ST6GAL1: variants seen among roughly 807,000 people sequenced by gnomAD.
ST6GAL1 encodes beta-galactoside alpha-2,6-sialyltransferase 1.
Under a neutral mutation model 38.0 loss-of-function variants are expected in ST6GAL1, and 20 were observed. The observed-to-expected ratio is 0.53, with a 90% confidence interval of 0.37 to 0.77. The LOEUF is 0.77. Among genes scored for constraint, ST6GAL1 ranks in the 30% least tolerant of loss-of-function variants. The pLI is 0.00. For missense variants in ST6GAL1, 432 were observed against 496.4 expected (o/e 0.87, Z 1.23); for synonymous variants, 196 against 188.2 (o/e 1.04, Z -0.34).
At chr3:187,068,126 A>G (rs1719233341) in intron 5 of ST6GAL1, among the ~76,000 whole-genome samples, 1 of 152,084 alleles carries the variant, frequency 6.6e-6, no homozygotes, top group African/African-American at 2.4e-5. Flanking sequence ...GTGGATCACG[A>G]GGTCAGGAGA....
intron 5 of ST6GAL1, among the ~76,000 whole-genome samples, chr3:187,052,067 G>C (rs1718534598): frequency 6.6e-6 from 1 of 152,070 alleles, no homozygotes; most frequent in South Asian, 2.1e-4. Flanking sequence ...TTTTATGTCA[G>C]TATTTAGTCT....
intron 1 of ST6GAL1, among the ~76,000 whole-genome samples, chr3:186,938,124 A>G (rs1314488255): frequency 6.6e-6 from 1 of 152,194 alleles, no homozygotes; most frequent in Non-Finnish European, 1.5e-5. Flanking sequence ...ATCTCTGTTC[A>G]TTTTCCAGAT....
At chr3:187,071,776 C>CAAAAAAAAAAAAA (rs11330261) in intron 5 of ST6GAL1, among the ~76,000 whole-genome samples, 4 of 72,322 alleles carry the variant, frequency 5.5e-5, no homozygotes, top group African/African-American at 1.9e-4. Flanking sequence ...GACTCCGCCT[C>CAAAAAAAAAAAAA]AAAAAAAAAA....
chr3:186,998,715 A>G (rs999397778), intron 2 of ST6GAL1, among the ~76,000 whole-genome samples: 1 of 152,256 alleles, frequency 6.6e-6, no homozygotes, highest in Non-Finnish European at 1.5e-5. Flanking sequence ...CATGTAATCA[A>G]TATAAAATTA....
At chr3:187,045,019 A>C (rs925357484) in intron 4 of ST6GAL1, among the ~76,000 whole-genome samples, 2 of 152,204 alleles carry the variant, frequency 1.3e-5, no homozygotes, top group Admixed American at 1.3e-4. Flanking sequence ...ATTCATCAAC[A>C]ATACAAAGGG....
chr3:186,943,355 T>C (rs977937270), intron 1 of ST6GAL1, among the ~76,000 whole-genome samples: 4 of 152,232 alleles, frequency 2.6e-5, no homozygotes, highest in Non-Finnish European at 5.9e-5. Flanking sequence ...GCATGAGGCA[T>C]GAAGTGGCGG....
At chr3:186,980,766 CAAAA>C (rs58623543) in intron 2 of ST6GAL1, among the ~76,000 whole-genome samples, 2 of 121,408 alleles carry the variant, frequency 1.6e-5, no homozygotes, top group Non-Finnish European at 1.7e-5. Flanking sequence ...GACTCCATCT[CAAAA>C]AAAAAAAAAA....
At chr3:186,946,960 G>A (rs926013193) in intron 1 of ST6GAL1, among the ~76,000 whole-genome samples, 4 of 152,134 alleles carry the variant, frequency 2.6e-5, no homozygotes, top group African/African-American at 9.7e-5. Flanking sequence ...CAATGGAAAA[G>A]GTTTCACCCA....
At chr3:187,033,239 C>A (rs2108573686) in intron 2 of ST6GAL1, among the ~76,000 whole-genome samples, 1 of 152,314 alleles carries the variant, frequency 6.6e-6, no homozygotes, top group East Asian at 1.9e-4. Flanking sequence ...CATGGTGAAA[C>A]CCCATCTCTA....
chr3:187,062,271 G>A (rs188662243), intron 5 of ST6GAL1, among the ~76,000 whole-genome samples: 5 of 152,218 alleles, frequency 3.3e-5, no homozygotes, highest in East Asian at 1.9e-4. Context: ...AAAACAGTAC[G>A]GCAGTGCCTC....
In ST6GAL1 at chr3:187,029,088, T is replaced by TAAAAA. The variant is rs56166685; in HGVS notation, c.-182-9647_-182-9643dup. ...GGGTGACAAAGCAAGACCTTGTCTC[T>TAAAAA]AAAAAAAAAAAGAATTTTTCATAGG... On this transcript the variant is annotated intron_variant, in intron 2 of 7. Coordinates refer to ENST00000169298, the MANE Select transcript of ST6GAL1 (RefSeq NM_173216.2). Among the ~76,000 whole-genome samples, 41 of 105,970 alleles carry TAAAAA rather than the reference T, an allele frequency of 3.9e-4. 2 individuals carry two copies. In the Admixed American group the frequency reaches 4.3e-3, roughly 11 times the overall value. The allele number at this position is 105,970 out of a possible 152,430, so 69.5% of individuals were successfully genotyped here.
intron 5 of ST6GAL1, among the ~76,000 whole-genome samples, chr3:187,069,087 C>T (rs1579382695): frequency 6.6e-6 from 1 of 151,672 alleles, no homozygotes; most frequent in South Asian, 2.1e-4. Context: ...TTCTTATGGC[C>T]TGTCAGCCAG....
chr3:187,019,844 G>A (rs1050759755), intron 2 of ST6GAL1, among the ~76,000 whole-genome samples: 1 of 152,208 alleles, frequency 6.6e-6, no homozygotes, highest in African/African-American at 2.4e-5. Context: ...TAAAGATTAA[G>A]GAGATGAAGA....
At chr3:187,029,995 A>AT (rs1344955514) in intron 2 of ST6GAL1, among the ~76,000 whole-genome samples, 1 of 152,168 alleles carries the variant, frequency 6.6e-6, no homozygotes, top group Non-Finnish European at 1.5e-5. Flanking sequence ...TATGGAAGGT[A>AT]TTGTTGGGAA....
intron 4 of ST6GAL1, among the ~76,000 whole-genome samples, chr3:187,046,036 C>T (rs568111817): frequency 6.6e-6 from 1 of 152,210 alleles, no homozygotes; most frequent in South Asian, 2.1e-4. Context: ...CATGGAGAGC[C>T]CTAGGAGGTT....
intron 2 of ST6GAL1, among the ~76,000 whole-genome samples, chr3:187,012,555 C>T (rs1716991174): frequency 6.6e-6 from 1 of 152,170 alleles, no homozygotes; most frequent in Non-Finnish European, 1.5e-5. Context: ...CGCCCAGCTG[C>T]ACTTTTTAAG....
intron 3 of ST6GAL1, among the ~76,000 whole-genome samples, chr3:187,040,530 C>G (rs1718090461): frequency 6.6e-6 from 1 of 152,198 alleles, no homozygotes; most frequent in South Asian, 2.1e-4. Flanking sequence ...CTTGCTAAGT[C>G]TCAGTTTTTT....
At chr3:187,046,316 CTT>C (rs1346824298) in intron 4 of ST6GAL1, among the ~76,000 whole-genome samples, 3 of 152,188 alleles carry the variant, frequency 2.0e-5, no homozygotes, top group Non-Finnish European at 4.4e-5. Context: ...GGGGAGCATG[CTT>C]CCAGAGGAAC....
intron 1 of ST6GAL1, among the ~76,000 whole-genome samples, chr3:186,945,290 A>G (rs1267097596): frequency 6.6e-6 from 1 of 150,974 alleles, no homozygotes; most frequent in African/African-American, 2.5e-5. Context: ...TGGGTGAAAG[A>G]GCAAGACCCT....
Sources: allele counts gnomAD v4.1 joint callset (sites outside exome capture counted in the v4.1 genomes callset), GRCh38; gene constraint gnomAD v4.1.1; transcripts MANE v1.5; gene names NCBI Gene and HGNC (gene_info 2026-07-23, HGNC 2026-07-21).